The following ATRNL1 variants were observed in gnomAD, a reference collection of about 807,000 sequenced individuals.
ATRNL1 encodes the protein attractin like 1, also known as attractin-like protein 1.
ATRNL1 carries 95 observed loss-of-function variants against 182.7 expected under a neutral mutation model. That is an observed-to-expected ratio of 0.52 (90% CI 0.44 to 0.62). ATRNL1 has a LOEUF of 0.62. Among genes scored for constraint, ATRNL1 ranks in the 20% least tolerant of loss-of-function variants. ATRNL1 has a pLI of 0.00. For synonymous variants in ATRNL1, 576 were observed against 568.3 expected, an observed-to-expected ratio of 1.01 and a Z score of -0.19; for missense variants, 1,471 against 1,679.5, an observed-to-expected ratio of 0.88 and a Z score of 2.17.
At chr10:115,135,539 T>C (rs928259882) in intron 5 of ATRNL1, among the ~76,000 whole-genome samples, 2 of 152,062 alleles carry the variant, frequency 1.3e-5, no homozygotes, top group Non-Finnish European at 2.9e-5. Flanking sequence ...TAAAAGAGGA[T>C]ACAAACAAAT....
chr10:115,918,247 TG>T (rs1442258721), intron 28 of ATRNL1, among the ~76,000 whole-genome samples: 3 of 152,038 alleles, frequency 2.0e-5, no homozygotes, highest in Non-Finnish European at 4.4e-5. Flanking sequence ...ATTACAAGCG[TG>T]CACCACTGTA....
chr10:115,704,710 C>T (rs1376796043), intron 26 of ATRNL1, among the ~76,000 whole-genome samples: 1 of 151,812 alleles, frequency 6.6e-6, no homozygotes, highest in Non-Finnish European at 1.5e-5. Context: ...ATGGGGTATA[C>T]GGTCTTGCCT....
At chr10:115,442,124 C>T (rs536054853) in intron 21 of ATRNL1, among the ~76,000 whole-genome samples, 2 of 151,962 alleles carry the variant, frequency 1.3e-5, no homozygotes, top group African/African-American at 4.8e-5. Context: ...TCTCACTACC[C>T]AGCTTGAGAT....
intron 10 of ATRNL1, among the ~76,000 whole-genome samples, chr10:115,253,779 C>A (rs368448474): frequency 2.6e-5 from 4 of 152,240 alleles, no homozygotes; most frequent in East Asian, 1.9e-4. Flanking sequence ...CTAATGCTAT[C>A]CATCCCCAGG....
chr10:115,474,201 C>T (rs559669510), intron 24 of ATRNL1, among the ~76,000 whole-genome samples: 3 of 151,420 alleles, frequency 2.0e-5, no homozygotes, highest in East Asian at 3.9e-4. Context: ...ATGTCTCCTT[C>T]ATTTCTGAAG....
intron 26 of ATRNL1, among the ~76,000 whole-genome samples, chr10:115,636,352 C>T (rs1342024985): frequency 6.6e-6 from 1 of 152,146 alleles, no homozygotes; most frequent in East Asian, 1.9e-4. Flanking sequence ...GCAGCCAGCC[C>T]TGGAAAATCC....
chr10:115,257,125 G>A (rs1851179624), intron 10 of ATRNL1, among the ~76,000 whole-genome samples: 1 of 152,180 alleles, frequency 6.6e-6, no homozygotes, highest in Non-Finnish European at 1.5e-5. Context: ...GGGGTGGAGA[G>A]TTCTGTAGAT....
intron 27 of ATRNL1, among the ~76,000 whole-genome samples, chr10:115,814,561 C>T (rs964090835): frequency 8.6e-5 from 13 of 152,016 alleles, no homozygotes; most frequent in Non-Finnish European, 1.9e-4. Context: ...CCACAGAGAT[C>T]CAAGTATTAA....
intron 28 of ATRNL1, among the ~76,000 whole-genome samples, chr10:115,937,326 G>A (rs1194340653): frequency 6.6e-6 from 1 of 152,202 alleles, no homozygotes. Flanking sequence ...ATTGGCATCT[G>A]TAGTTGTCAC....
chr10:115,394,784 G>T (rs782555200), intron 20 of ATRNL1, 32 bp downstream of exon 20: 1 of 1,480,558 alleles, frequency 6.8e-7, no homozygotes, highest in Admixed American at 2.0e-5. Flanking sequence ...GAACTTTCGT[G>T]GATTGAATTT....
chr10:115,459,182 A>AT (rs1554969251), intron 21 of ATRNL1, among the ~76,000 whole-genome samples: 6 of 152,104 alleles, frequency 3.9e-5, no homozygotes, highest in African/African-American at 1.4e-4. Context: ...CCCTGTAATA[A>AT]TTGCGTTAAC....
At chr10:115,861,374 C>T (rs1555103446) in intron 28 of ATRNL1, among the ~76,000 whole-genome samples, 2 of 152,158 alleles carry the variant, frequency 1.3e-5, no homozygotes, top group African/African-American at 4.8e-5. Context: ...AGACAATTTG[C>T]TTAATTATTT....
chr10:115,113,805 A>C (rs76930661), intron 1 of ATRNL1, among the ~76,000 whole-genome samples: 1,889 of 152,236 alleles, frequency 0.012, 35 homozygotes, highest in African/African-American at 0.042. Flanking sequence ...AATGTTTTCT[A>C]AGGGCACCTA....
chr10:115,475,852 TATTTA>T (rs1848504080), intron 24 of ATRNL1, among the ~76,000 whole-genome samples: 2 of 151,352 alleles, frequency 1.3e-5, no homozygotes, highest in Non-Finnish European at 3.0e-5. Context: ...TTTCCCATAA[TATTTA>T]AGATAAATTT....
chr10:115,554,227 T>A (rs1292366515), intron 26 of ATRNL1, among the ~76,000 whole-genome samples: 3 of 151,606 alleles, frequency 2.0e-5, no homozygotes, highest in African/African-American at 7.2e-5. Context: ...TACTGTTGCT[T>A]GTCATTTGCT....
chr10:115,199,228 C>CATTT (rs1292797623), intron 8 of ATRNL1, among the ~76,000 whole-genome samples: 7 of 151,656 alleles, frequency 4.6e-5, no homozygotes, highest in African/African-American at 1.7e-4. Context: ...TCATTGGTTA[C>CATTT]ATTTATTTAT....
intron 26 of ATRNL1, among the ~76,000 whole-genome samples, chr10:115,649,120 A>G (rs1457048201): frequency 2.6e-5 from 4 of 152,174 alleles, no homozygotes; most frequent in Admixed American, 6.6e-5. Flanking sequence ...AAATTTTAAA[A>G]GTTTATAGTG....
intron 1 of ATRNL1, chr10:115,096,839 G>A: frequency 1.4e-5 from 16 of 1,111,788 alleles, no homozygotes; most frequent in East Asian, 1.5e-4. Flanking sequence ...TCCTTACACA[G>A]GTAAAACAAA....
intron 27 of ATRNL1, among the ~76,000 whole-genome samples, chr10:115,815,897 G>T (rs1950153432): frequency 6.6e-6 from 1 of 151,982 alleles, no homozygotes; most frequent in African/African-American, 2.4e-5. Flanking sequence ...GCCTCAAATT[G>T]CCAGGTAAGA....
Sources: allele counts gnomAD v4.1 joint callset (sites outside exome capture counted in the v4.1 genomes callset), GRCh38; gene constraint gnomAD v4.1.1; transcripts MANE v1.5; gene names NCBI Gene and HGNC (gene_info 2026-07-23, HGNC 2026-07-21).